TOGARAM1: variants seen among roughly 807,000 people sequenced by gnomAD.
TOGARAM1 encodes the protein TOG array regulator of axonemal microtubules protein 1.
TOGARAM1 carries 100 observed loss-of-function variants against 166.6 expected under a neutral mutation model. The observed-to-expected ratio is 0.60, with a 90% CI of 0.51 to 0.71. TOGARAM1 has a LOEUF of 0.71. Among genes scored for constraint, TOGARAM1 ranks in the 30% least tolerant of loss-of-function variants. TOGARAM1 has a pLI of 0.00. For synonymous variants in TOGARAM1, 758 were observed against 763.8 expected (o/e 0.99, Z 0.13); for missense variants, 2,029 against 2,102.7 (o/e 0.96, Z 0.69).
chr14:45,045,541 G>GTATATATATATA (rs1404316560), intron 13 of TOGARAM1, among the ~76,000 whole-genome samples: 3 of 50,368 alleles, frequency 6.0e-5, no homozygotes, highest in East Asian at 5.1e-4. Context: ...TGGTCTGTGT[G>GTATATATATATA]TGTATATATA....
At chr14:45,054,632 A>G in intron 16 of TOGARAM1, 83 bp downstream of exon 16, 1 of 1,031,336 alleles carries the variant, frequency 9.7e-7, no homozygotes, top group African/African-American at 1.6e-5. Context: ...AAACTACCCC[A>G]GGGGTATTTG....
chr14:45,015,575 T>C (rs1339935267), intron 7 of TOGARAM1, among the ~76,000 whole-genome samples: 1 of 151,416 alleles, frequency 6.6e-6, no homozygotes, highest in Non-Finnish European at 1.5e-5. Context: ...CATTAGGGTT[T>C]TGCTTTTTTT....
chr14:44,966,224 C>T (rs1232586993), intron 1 of TOGARAM1, among the ~76,000 whole-genome samples: 1 of 151,742 alleles, frequency 6.6e-6, no homozygotes, highest in African/African-American at 2.4e-5. Context: ...GTAATGCCAG[C>T]ACTTTGGGAG....
Position 44,963,864 on chromosome 14 carries a change from T to C in TOGARAM1, c.1443T>C (p.His481=). The change falls in exon 1 of 20, where the codon CAT becomes CAC. Residue 481 remains histidine (H), a synonymous_variant. Coordinates refer to ENST00000361462, the MANE Select transcript of TOGARAM1 (RefSeq NM_001308120.2). Reference sequence around the variant, plus strand: ...GTTTACTCCTGGAACATCTCAAACATAAGCATTCCAGAGTGAGAGAGGAGG... The same window carrying C: ...GTTTACTCCTGGAACATCTCAAACACAAGCATTCCAGAGTGAGAGAGGAGG... ...VLCLLLEHLK[H]KHSRVREEVV... is the part of the protein sequence containing the mutation. 1.2e-6 allele frequency: 2 copies of C among 1,614,150 alleles called. No individual in the cohort carries two copies. The highest frequency in any genetic ancestry group is 1.7e-6 in the Non-Finnish European group (2 of 1,179,994).
intron 10 of TOGARAM1, among the ~76,000 whole-genome samples, chr14:45,030,777 A>C (rs946557642): frequency 6.6e-6 from 1 of 152,176 alleles, no homozygotes; most frequent in Non-Finnish European, 1.5e-5. Context: ...ATTCTGTCTT[A>C]TACCTCTTTA....
intron 4 of TOGARAM1, among the ~76,000 whole-genome samples, chr14:45,005,249 T>C (rs1887898406): frequency 6.6e-6 from 1 of 152,152 alleles, no homozygotes; most frequent in Non-Finnish European, 1.5e-5. Context: ...AACTAAAATA[T>C]TCTTTTCTTA....
In TOGARAM1 at chr14:45,064,281, TA is replaced by T. The variant is rs1317754930; in HGVS notation, c.4560-2291del. Among the ~76,000 whole-genome samples the T allele has an allele frequency of 2.6e-5, 4 of 152,112 alleles. No individual in the cohort carries two copies. In the East Asian group the frequency reaches 7.7e-4, roughly 29 times the overall value. On this transcript the variant is annotated intron_variant, in intron 16 of 19. Transcript: ENST00000361462. ...GTATTTCCTGGTATGTCTTCTTAAT[TA>T]AAAAATATATTTTTTATTAATTTTT...
chr14:44,964,950 G>GT (rs1462638584), intron 1 of TOGARAM1, among the ~76,000 whole-genome samples: 1 of 7,384 alleles, frequency 1.4e-4, no homozygotes, highest in Non-Finnish European at 2.4e-4. Flanking sequence ...CACTAGAAAA[G>GT]TAAAAAAAAA....
At chr14:44,988,665 C>T (rs1367963449) in intron 1 of TOGARAM1, among the ~76,000 whole-genome samples, 1 of 152,082 alleles carries the variant, frequency 6.6e-6, no homozygotes, top group Non-Finnish European at 1.5e-5. Context: ...AGTCTAATTC[C>T]CCTCTGAGTG....
chr14:45,023,206 C>T (rs1880627441), intron 7 of TOGARAM1, among the ~76,000 whole-genome samples: 1 of 152,142 alleles, frequency 6.6e-6, no homozygotes, highest in African/African-American at 2.4e-5. Context: ...TCAAGGGAAC[C>T]TCTAGAAGGT....
intron 14 of TOGARAM1, among the ~76,000 whole-genome samples, chr14:45,051,104 T>C (rs544954715): frequency 2.0e-5 from 3 of 152,332 alleles, no homozygotes; most frequent in African/African-American, 4.8e-5. Context: ...ATTAGAATCA[T>C]TGGGCTTAAA....
intron 19 of TOGARAM1, 104 bp downstream of exon 19, chr14:45,071,902 C>A (rs1165272461): frequency 8.0e-6 from 6 of 746,970 alleles, no homozygotes; most frequent in South Asian, 4.0e-5. Flanking sequence ...ATATAGCTAC[C>A]CACAAAGTAG....
chr14:44,983,167 G>A (rs1420705789), intron 1 of TOGARAM1, among the ~76,000 whole-genome samples: 1 of 152,162 alleles, frequency 6.6e-6, no homozygotes, highest in African/African-American at 2.4e-5. Flanking sequence ...TTCAGTCTCT[G>A]CAGTCATACT....
At chr14:45,042,609 G>A (rs1881782909) in intron 11 of TOGARAM1, among the ~76,000 whole-genome samples, 2 of 152,012 alleles carry the variant, frequency 1.3e-5, no homozygotes, top group Non-Finnish European at 2.9e-5. Context: ...TATAGATTGT[G>A]TAAGTTAATA....
intron 9 of TOGARAM1, 49 bp downstream of exon 9, chr14:45,027,523 C>A: frequency 6.9e-7 from 1 of 1,449,292 alleles, no homozygotes; most frequent in South Asian, 1.3e-5. Flanking sequence ...TACAGTATGT[C>A]ATTGTTTTGT....
chr14:45,045,654 TAC>T (rs569583990), intron 13 of TOGARAM1, among the ~76,000 whole-genome samples: 14 of 116,490 alleles, frequency 1.2e-4, no homozygotes, highest in African/African-American at 4.1e-4. Flanking sequence ...TATACATATA[TAC>T]ACACATATAT....
chr14:45,026,898 C>T (rs1273279668), intron 8 of TOGARAM1, among the ~76,000 whole-genome samples: 5 of 151,504 alleles, frequency 3.3e-5, no homozygotes, highest in African/African-American at 1.2e-4. Flanking sequence ...GTCCTAGCTA[C>T]GCAGGAGGCT....
intron 1 of TOGARAM1, among the ~76,000 whole-genome samples, chr14:44,981,803 C>T (rs1886549642): frequency 6.7e-6 from 1 of 148,256 alleles, no homozygotes; most frequent in South Asian, 2.1e-4. Flanking sequence ...GGTATAGATT[C>T]TTCTATCCAT....
intron 19 of TOGARAM1, 47 bp from the exon 20 acceptor site, chr14:45,073,249 C>T (rs780758586): frequency 6.5e-7 from 1 of 1,539,562 alleles, no homozygotes; most frequent in African/African-American, 1.4e-5. Flanking sequence ...AGAGCTTGGG[C>T]TTATTTATTA....
Sources: gnomAD v4.1 joint callset for allele counts (sites outside exome capture counted in the v4.1 genomes callset) on GRCh38, gnomAD v4.1.1 for gene constraint, MANE v1.5 for transcripts, NCBI Gene and HGNC (gene_info 2026-07-23, HGNC 2026-07-21) for gene names.